PIP5K1A: variants seen among roughly 807,000 people sequenced by gnomAD.
PIP5K1A encodes the protein phosphatidylinositol 4-phosphate 5-kinase type-1 alpha.
A neutral mutation model predicts 72.9 loss-of-function variants in PIP5K1A; 46 were observed. The observed-to-expected ratio is 0.63, with a 90% CI of 0.50 to 0.81. The LOEUF is 0.81. Ranked by LOEUF, PIP5K1A falls within the 30% of genes least tolerant of loss-of-function variation. The pLI, the probability that PIP5K1A is intolerant of heterozygous loss-of-function variation, is 0.00. For synonymous variants in PIP5K1A, 228 were observed against 255.1 expected (o/e 0.89, Z 1.01); for missense variants, 458 against 706.1 (o/e 0.65, Z 3.98).
intron 12 of PIP5K1A, chr1:151,240,291 C>CA (rs1409975422): frequency 1.3e-5 from 6 of 453,468 alleles, no homozygotes; most frequent in Non-Finnish European, 2.0e-5. Context: ...TTGGGATTTG[C>CA]AAAAAAATAA....
intron 1 of PIP5K1A, among the ~76,000 whole-genome samples, chr1:151,214,210 T>TCCTTG (rs1321198889): frequency 6.6e-6 from 1 of 152,174 alleles, no homozygotes; most frequent in East Asian, 1.9e-4. Context: ...ATCTATGCAA[T>TCCTTG]TATAGTTATA....
chr1:151,242,391 T>C, intron 13 of PIP5K1A, 47 bp from the exon 14 acceptor site: 3 of 1,609,850 alleles, frequency 1.9e-6, no homozygotes, highest in Non-Finnish European at 2.5e-6. Flanking sequence ...CTGCTACATA[T>C]TTTTCCTTGT....
intron 1 of PIP5K1A, among the ~76,000 whole-genome samples, chr1:151,206,530 A>T (rs1685951656): frequency 6.6e-6 from 1 of 151,890 alleles, no homozygotes; most frequent in South Asian, 2.1e-4. Flanking sequence ...TGTTTTTAGG[A>T]TATTTAATTA....
At chr1:151,236,490 A>T in intron 8 of PIP5K1A, 68 bp from the exon 9 acceptor site, 3 of 1,252,172 alleles carry the variant, frequency 2.4e-6, no homozygotes, top group Middle Eastern at 1.9e-4. Context: ...AAACAAAAAA[A>T]TTGTGAGATC....
At chr1:151,239,899 A>T in intron 11 of PIP5K1A, 56 bp from the exon 12 acceptor site, 1 of 1,232,368 alleles carries the variant, frequency 8.1e-7, no homozygotes, top group South Asian at 1.2e-5. Context: ...TGGCCCTTGG[A>T]CTAGAGTTCC....
chr1:151,218,921 C>CCT lies in PIP5K1A; in HGVS notation c.86-5323_86-5322dup, dbSNP rs199750558. 4.5e-3 allele frequency among the ~76,000 whole-genome samples: 677 copies of CCT among 151,348 alleles called. 6 individuals carry two copies. The highest frequency in any genetic ancestry group is 0.016 in the African/African-American group (643 of 41,248). On this transcript the variant is annotated intron_variant, in intron 1 of 15. Coordinates refer to ENST00000368888, the MANE Select transcript of PIP5K1A (RefSeq NM_001135638.2). The stretch of plus-strand genomic sequence containing the variant: ...GAATTGAATGTGGGCTCTAGTTTTG[C>CCT]CTGTCACTGCCTATGCTTTGATTTT...
At position 151,215,284 on chromosome 1, in the gene PIP5K1A, C is replaced by T. The variant is rs587628427; in HGVS notation, c.86-8961C>T. On this transcript the variant is annotated intron_variant, in intron 1 of 15. Transcript: ENST00000368888. ...AGCTCTCGACCTCAGGTGATCCTCCCGCCTTGGCCTCCCAAAGTGTTGGGA... is the reference window on the plus strand; with the variant it reads ...AGCTCTCGACCTCAGGTGATCCTCCTGCCTTGGCCTCCCAAAGTGTTGGGA... Among the ~76,000 whole-genome samples the T allele has an allele frequency of 6.3e-4, 96 of 151,490 alleles. 1 individual carries two copies. Among genetic ancestry groups the T allele is most frequent in the South Asian group, 2.9e-3 (14 of 4,798 alleles).
At chr1:151,216,061 A>G (rs1178329645) in intron 1 of PIP5K1A, 4 of 881,170 alleles carry the variant, frequency 4.5e-6, no homozygotes, top group Non-Finnish European at 6.6e-6. Context: ...CTAGCAGCCA[A>G]TTCCTCTTCC....
chr1:151,222,228 C>T (rs1688491440), intron 1 of PIP5K1A, among the ~76,000 whole-genome samples: 1 of 152,130 alleles, frequency 6.6e-6, no homozygotes, highest in Non-Finnish European at 1.5e-5. Context: ...GGTTTTGTGT[C>T]CTGATTCTGC....
rs1409090642 is a variant in PIP5K1A at position 151,229,189 on chromosome 1, AAAAAC to A, written c.237+1791_237+1795del. ...TCTCAAAAAAAAAAAAAAAAAAAAA[AAAAAC>A]AGGAAAGAAAGAAATAGGATCTTGC... is the stretch of plus-strand genomic sequence containing the variant. On this transcript the variant is annotated intron_variant, in intron 4 of 15. Transcript: ENST00000368888. Among the ~76,000 whole-genome samples the A allele has an allele frequency of 8.7e-5, 13 of 149,696 alleles. No individual in the cohort carries two copies. In the East Asian group the frequency reaches 2.5e-3, roughly 29 times the overall value.
At chr1:151,205,856 T>G (rs1350614892) in intron 1 of PIP5K1A, among the ~76,000 whole-genome samples, 2 of 152,132 alleles carry the variant, frequency 1.3e-5, no homozygotes, top group Non-Finnish European at 2.9e-5. Context: ...TTCTTTTTAC[T>G]GGGTTTCCTT....
At position 151,224,698 on chromosome 1, in the gene PIP5K1A, C is replaced by G. The variant is rs140115123; in HGVS notation, c.156+292C>G. 2.9e-3 allele frequency among the ~76,000 whole-genome samples: 447 copies of G among 152,250 alleles called. 6 individuals are homozygous for G. The highest frequency in any genetic ancestry group is 0.01 in the African/African-American group (418 of 41,552). ...CCAGGCAGTCTGACACTAAAGCTCA[C>G]TTTCTTTGTTTTGCTGTTATGGCCT... On this transcript the variant is annotated intron_variant, in intron 3 of 15. Transcript: ENST00000368888.
intron 14 of PIP5K1A, among the ~76,000 whole-genome samples, chr1:151,244,167 C>T (rs1363100248): frequency 2.5e-5 from 3 of 119,740 alleles, no homozygotes; most frequent in East Asian, 4.6e-4. Context: ...AAGAAAGAAA[C>T]GAAAAAATAC....
rs1051137502 is a variant in PIP5K1A at position 151,223,983 on chromosome 1, G to A, written c.86-262G>A. ...ACTCCATCTCAAAAAAAAAGAAAAA[G>A]TTATATTTCCCAGAGAAAATATGGA... On this transcript the variant is annotated intron_variant, in intron 1 of 15. Transcript: ENST00000368888. 4.1e-5 allele frequency: 22 copies of A among 540,422 alleles called. No individual in the cohort carries two copies. The African/African-American group carries it at 4.2e-4, about 10-fold the overall frequency. 33.5% of individuals were successfully genotyped at this position (540,422 alleles called of 1,614,324 possible). A position where few individuals can be genotyped will look rare whatever the true frequency, so the allele number is the denominator to read the frequency against.
intron 15 of PIP5K1A, 30 bp from the exon 16 acceptor site, chr1:151,247,833 C>A (rs1309939937): frequency 1.9e-6 from 3 of 1,586,764 alleles, no homozygotes; most frequent in Non-Finnish European, 2.6e-6. Flanking sequence ...TCATACTCCA[C>A]ATCCTTAACT....
At chr1:151,230,553 C>CT (rs993052841) in intron 4 of PIP5K1A, among the ~76,000 whole-genome samples, 21 of 151,900 alleles carry the variant, frequency 1.4e-4, no homozygotes, top group East Asian at 7.7e-4. Context: ...CACTGTTGCC[C>CT]TTTTTTTTGA....
Position 151,216,444 on chromosome 1 carries a change from C to T in PIP5K1A, c.86-7801C>T, listed in dbSNP as rs142350442. Among the ~76,000 whole-genome samples, 32 of 151,970 alleles carry T rather than the reference C, an allele frequency of 2.1e-4. No individual in the cohort carries two copies. In the East Asian group the frequency reaches 4.3e-3, roughly 20 times the overall value. On this transcript the variant is annotated intron_variant, in intron 1 of 15. Coordinates refer to ENST00000368888, the MANE Select transcript of PIP5K1A (RefSeq NM_001135638.2). The stretch of plus-strand genomic sequence containing the variant: ...TGGATGCCTTAAAAGCATTATTTGA[C>T]GCTGGCTCCCATATCTCACTGCCCT...
rs587706091 is a variant in PIP5K1A at position 151,229,267 on chromosome 1, A to G, written c.237+1867A>G. ...AGTGGGTGCGTTGATGGCACACTGCAGCCTTGAACTCCTGGGCTCAAGCCA... is the reference window on the plus strand; with the variant it reads ...AGTGGGTGCGTTGATGGCACACTGCGGCCTTGAACTCCTGGGCTCAAGCCA... On this transcript the variant is annotated intron_variant, in intron 4 of 15. Transcript: ENST00000368888. 3.3e-5 allele frequency among the ~76,000 whole-genome samples: 5 copies of G among 150,164 alleles called. No individual in the cohort carries two copies. In the East Asian group the frequency reaches 9.8e-4, roughly 29 times the overall value.
intron 1 of PIP5K1A, among the ~76,000 whole-genome samples, chr1:151,217,436 C>G (rs1283541117): frequency 6.6e-6 from 1 of 152,104 alleles, no homozygotes; most frequent in Non-Finnish European, 1.5e-5. Context: ...AACCAAGAGT[C>G]CTTGGGGTGA....
Sources: gnomAD v4.1 joint callset for allele counts (sites outside exome capture counted in the v4.1 genomes callset) on GRCh38, gnomAD v4.1.1 for gene constraint, MANE v1.5 for transcripts, NCBI Gene and HGNC (gene_info 2026-07-23, HGNC 2026-07-21) for gene names.